IGF1R: variants seen among roughly 807,000 people sequenced by gnomAD.
IGF1R encodes the protein insulin-like growth factor 1 receptor.
In IGF1R, 44 loss-of-function variants were observed where a neutral mutation model predicts 144.6. The ratio of observed to expected loss-of-function variants is 0.30; its 90% CI spans 0.24 to 0.39. The LOEUF is 0.39. Ranked by LOEUF, IGF1R falls within the 10% of genes least tolerant of loss-of-function variation. The pLI, the probability that IGF1R is intolerant of heterozygous loss-of-function variation, is 1.00. For missense variants in IGF1R, 1,355 were observed against 1,833.7 expected, an observed-to-expected ratio of 0.74 and a Z score of 4.77; for synonymous variants, 795 against 722.8, an observed-to-expected ratio of 1.10 and a Z score of -1.60.
intron 7 of IGF1R, among the ~76,000 whole-genome samples, chr15:98,912,126 T>C (rs1043006715): frequency 6.6e-6 from 1 of 151,270 alleles, no homozygotes; most frequent in Non-Finnish European, 1.5e-5. Context: ...TATATCCAGG[T>C]GGCTACCCCG....
At chr15:98,650,996 G>C in intron 1 of IGF1R, 1 of 985,182 alleles carries the variant, frequency 1.0e-6, no homozygotes. Context: ...TGGCTTACTG[G>C]TACATTCAAG....
intron 2 of IGF1R, among the ~76,000 whole-genome samples, chr15:98,723,998 T>C (rs1821553582): frequency 6.6e-6 from 1 of 152,216 alleles, no homozygotes. Flanking sequence ...GGAAAAGCTT[T>C]GGAGCAGTTT....
chr15:98,733,500 T>C (rs114106761), intron 2 of IGF1R, among the ~76,000 whole-genome samples: 3,909 of 150,162 alleles, frequency 0.026, 171 homozygotes, highest in African/African-American at 0.091. Flanking sequence ...TTTTTTTTTT[T>C]CCCCCTTCCA....
At chr15:98,718,637 C>G (rs987752389) in intron 2 of IGF1R, among the ~76,000 whole-genome samples, 1 of 152,192 alleles carries the variant, frequency 6.6e-6, no homozygotes, top group Non-Finnish European at 1.5e-5. Flanking sequence ...ATCTGTGAAC[C>G]CAGGCTGCCA....
chr15:98,869,123 A>G (rs1187163686), intron 2 of IGF1R, among the ~76,000 whole-genome samples: 4 of 152,182 alleles, frequency 2.6e-5, no homozygotes, highest in Non-Finnish European at 5.9e-5. Flanking sequence ...GGGCAAGGAA[A>G]TATTTTTTCA....
intron 2 of IGF1R, among the ~76,000 whole-genome samples, chr15:98,825,798 A>G (rs1419506199): frequency 1.3e-5 from 2 of 152,234 alleles, no homozygotes; most frequent in African/African-American, 4.8e-5. Context: ...AGAAAAGTCC[A>G]TACATGTTTA....
chr15:98,737,603 A>G (rs1249284416), intron 2 of IGF1R, among the ~76,000 whole-genome samples: 1 of 152,200 alleles, frequency 6.6e-6, no homozygotes, highest in Non-Finnish European at 1.5e-5. Context: ...TTAATTTAAA[A>G]AAGACTTCGA....
chr15:98,693,065 C>T (rs571558557), intron 1 of IGF1R, among the ~76,000 whole-genome samples: 1 of 152,174 alleles, frequency 6.6e-6, no homozygotes, highest in East Asian at 1.9e-4. Context: ...GGAGCATGCT[C>T]TGTGGTTCCC....
At chr15:98,690,384 A>G (rs576549202) in intron 1 of IGF1R, among the ~76,000 whole-genome samples, 1 of 152,180 alleles carries the variant, frequency 6.6e-6, no homozygotes, top group African/African-American at 2.4e-5. Flanking sequence ...CAATTAAAAC[A>G]GGAGGTAAGG....
intron 2 of IGF1R, among the ~76,000 whole-genome samples, chr15:98,764,215 G>C (rs955278298): frequency 6.6e-6 from 1 of 152,040 alleles, no homozygotes; most frequent in African/African-American, 2.4e-5. Context: ...GTCTTTACTG[G>C]GATATAACTT....
intron 2 of IGF1R, among the ~76,000 whole-genome samples, chr15:98,756,524 T>G (rs1210134927): frequency 1.3e-5 from 2 of 152,218 alleles, no homozygotes; most frequent in Non-Finnish European, 2.9e-5. Flanking sequence ...TAACACATAT[T>G]TTTGCTCTTT....
chr15:98,701,091 T>C (rs2053720033), intron 1 of IGF1R, among the ~76,000 whole-genome samples: 1 of 152,048 alleles, frequency 6.6e-6, no homozygotes, highest in Non-Finnish European at 1.5e-5. Flanking sequence ...TTCCAAAGAA[T>C]TCATTTTAAG....
At chr15:98,742,290 A>G (rs1250551873) in intron 2 of IGF1R, among the ~76,000 whole-genome samples, 1 of 152,244 alleles carries the variant, frequency 6.6e-6, no homozygotes, top group Non-Finnish European at 1.5e-5. Flanking sequence ...AAAACAGATC[A>G]GTTCATGGAT....
In IGF1R at chr15:98,961,016, G is replaced by C. The variant is rs943066219; in HGVS notation, c.*3574G>C. The C allele has an allele frequency of 4.3e-6, 1 of 233,584 alleles. No individual in the cohort carries two copies. The highest frequency in any genetic ancestry group is 2.2e-5 in the African/African-American group (1 of 45,472). The allele number at this position is 233,584 out of a possible 1,614,324, so 14.5% of individuals were successfully genotyped here. On this transcript the variant is annotated 3_prime_UTR_variant, in exon 21 of 21. Coordinates refer to ENST00000650285, the MANE Select transcript of IGF1R (RefSeq NM_000875.5). ...CTTACAGGCACTGATGATTTCGCTGGGAAGTGTGGCGGGCAGCTTTGCCTA... is the reference window on the plus strand; with the variant it reads ...CTTACAGGCACTGATGATTTCGCTGCGAAGTGTGGCGGGCAGCTTTGCCTA...
In IGF1R at chr15:98,808,470, G is replaced by C. The variant is rs771171071; in HGVS notation, c.641-82855G>C. On this transcript the variant is annotated intron_variant, in intron 2 of 20. Coordinates refer to ENST00000650285, the MANE Select transcript of IGF1R (RefSeq NM_000875.5). ...CATCAGCCCCTTGAGATTACTGTGT[G>C]TACCTGTGTCACCAGTGGCATATAG... Among the ~76,000 whole-genome samples, 74 of 152,252 alleles carry C rather than the reference G, an allele frequency of 4.9e-4. 1 individual carries two copies. The highest frequency in any genetic ancestry group is 3.4e-3 in the Middle Eastern group (1 of 294).
At chr15:98,862,397 T>C (rs1053354921) in intron 2 of IGF1R, among the ~76,000 whole-genome samples, 1 of 152,238 alleles carries the variant, frequency 6.6e-6, no homozygotes, top group Non-Finnish European at 1.5e-5. Flanking sequence ...TGCACCTCGC[T>C]GGAAGACAAA....
In IGF1R at chr15:98,891,907, C is replaced by T. The variant is rs45539838; in HGVS notation, c.953+270C>T. Among the ~76,000 whole-genome samples, 320 of 152,302 alleles carry T rather than the reference C, an allele frequency of 2.1e-3. No homozygotes were observed. Among genetic ancestry groups the T allele is most frequent in the Non-Finnish European group, 3.2e-3 (220 of 68,032 alleles). On this transcript the variant is annotated intron_variant, in intron 3 of 20. Coordinates refer to ENST00000650285, the MANE Select transcript of IGF1R (RefSeq NM_000875.5). The surrounding 1 kb of genome is among the most constrained non-coding windows in gnomAD (Gnocchi z 4.7). ...AAATTAAGTACTTGCTTGCTGGTTT[C>T]GATACCCAGAGTTCATAGTCTCTCT...
chr15:98,843,898 C>T (rs1422667419), intron 2 of IGF1R, among the ~76,000 whole-genome samples: 1 of 152,188 alleles, frequency 6.6e-6, no homozygotes, highest in African/African-American at 2.4e-5. Flanking sequence ...CCATCCTCAC[C>T]AGCCGCTGAA....
Position 98,690,527 on chromosome 15 carries a change from T to A in IGF1R, c.95-17035T>A, listed in dbSNP as rs1037963641. Reference sequence around the variant, plus strand: ...CTTAGCCATCGTTTAAACACAGATTTGCAATTTGTGGTTTTTCATTTATAT... The same window carrying A: ...CTTAGCCATCGTTTAAACACAGATTAGCAATTTGTGGTTTTTCATTTATAT... On this transcript the variant is annotated intron_variant, in intron 1 of 20. Coordinates refer to ENST00000650285, the MANE Select transcript of IGF1R (RefSeq NM_000875.5). Among the ~76,000 whole-genome samples, 3 of 152,228 alleles carry A rather than the reference T, an allele frequency of 2.0e-5. 1 individual carries two copies. In the South Asian group the frequency reaches 6.2e-4, roughly 32 times the overall value.
Sources: gnomAD v4.1 joint callset for allele counts (sites outside exome capture counted in the v4.1 genomes callset) on GRCh38, gnomAD v4.1.1 for gene constraint, Gnocchi (gnomAD v3.1) non-coding constraint, MANE v1.5 for transcripts, NCBI Gene and HGNC (gene_info 2026-07-23, HGNC 2026-07-21) for gene names.